The following PTPRC variants were observed in gnomAD, a reference collection of about 807,000 sequenced individuals.
The protein encoded by PTPRC is receptor-type tyrosine-protein phosphatase C.
A neutral mutation model predicts 155.9 loss-of-function variants in PTPRC; 44 were observed. That is an observed-to-expected ratio of 0.28 (90% confidence interval 0.22 to 0.36). The LOEUF (loss-of-function observed/expected upper bound fraction) is 0.36, where lower values mean the gene tolerates loss of function less well. Among genes scored for constraint, PTPRC ranks in the 10% least tolerant of loss-of-function variants. The pLI, the probability that PTPRC is intolerant of heterozygous loss-of-function variation, is 1.00. For missense variants in PTPRC, 1,401 were observed against 1,564.6 expected, an observed-to-expected ratio of 0.90 and a Z score of 1.76; for synonymous variants, 525 against 533.1, an observed-to-expected ratio of 0.98 and a Z score of 0.21.
At chr1:198,660,571 T>C (rs1275490055) in intron 2 of PTPRC, 1 of 151,920 alleles carries the variant, frequency 6.6e-6, no homozygotes, top group Non-Finnish European at 1.5e-5. Flanking sequence ...TATGAGGTTG[T>C]CATCTGTGAC....
At chr1:198,645,365 A>T (rs1662884984) in intron 2 of PTPRC, among the ~76,000 whole-genome samples, 1 of 151,794 alleles carries the variant, frequency 6.6e-6, no homozygotes, top group Non-Finnish European at 1.5e-5. Flanking sequence ...GATGAAAAAT[A>T]TAATAATTTA....
chr1:198,698,769 T>C (rs1666327804), intron 4 of PTPRC, among the ~76,000 whole-genome samples: 1 of 152,060 alleles, frequency 6.6e-6, no homozygotes, highest in Non-Finnish European at 1.5e-5. Flanking sequence ...TAATCCTATG[T>C]ATACATACAT....
chr1:198,678,770 T>A (rs538427903), intron 2 of PTPRC, among the ~76,000 whole-genome samples: 5 of 151,676 alleles, frequency 3.3e-5, no homozygotes, highest in African/African-American at 1.2e-4. Flanking sequence ...TTTTGTAACC[T>A]CCCTTAAAGA....
intron 12 of PTPRC, among the ~76,000 whole-genome samples, chr1:198,714,774 A>G (rs921536246): frequency 1.3e-5 from 2 of 152,340 alleles, no homozygotes; most frequent in South Asian, 2.1e-4. Flanking sequence ...ACCATTTTAA[A>G]TAAAATTACT....
intron 22 of PTPRC, among the ~76,000 whole-genome samples, chr1:198,734,735 T>A (rs1654548552): frequency 6.6e-6 from 1 of 151,754 alleles, no homozygotes; most frequent in African/African-American, 2.4e-5. Context: ...CACAAGACCT[T>A]AATACTCGAA....
intron 15 of PTPRC, among the ~76,000 whole-genome samples, 162 bp downstream of exon 15, chr1:198,722,638 A>G (rs1410798415): frequency 6.6e-6 from 1 of 151,668 alleles, no homozygotes; most frequent in Non-Finnish European, 1.5e-5. Context: ...CCATACATAT[A>G]TATGTAAATA....
rs2296618 is a variant in PTPRC at position 198,697,103 on chromosome 1, A to G, written c.298+194A>G. Among the ~76,000 whole-genome samples the G allele has an allele frequency of 0.2, 30,795 of 152,056 alleles. 3,997 individuals carry two copies. The highest frequency in any genetic ancestry group is 0.36 in the African/African-American group (14,965 of 41,442). ...AAGTAATTAATGCATGTTGTTAGGG[A>G]GTGGAGAGAGAAAAGAAGGGAAGCA... is the stretch of plus-strand genomic sequence containing the variant. On this transcript the variant is annotated intron_variant, in intron 4 of 32. Coordinates refer to ENST00000442510, the MANE Select transcript of PTPRC (RefSeq NM_002838.5).
At chr1:198,698,879 G>A (rs1459203095) in intron 4 of PTPRC, among the ~76,000 whole-genome samples, 1 of 151,928 alleles carries the variant, frequency 6.6e-6, no homozygotes, top group African/African-American at 2.4e-5. Flanking sequence ...GTTCCTTAAA[G>A]ATACCTTTTT....
At chr1:198,685,175 A>G (rs1665550781) in intron 2 of PTPRC, among the ~76,000 whole-genome samples, 3 of 152,012 alleles carry the variant, frequency 2.0e-5, no homozygotes, top group Non-Finnish European at 4.4e-5. Flanking sequence ...GATTCCAAAA[A>G]TAATATTAAT....
intron 26 of PTPRC, 23 bp from the exon 27 acceptor site, chr1:198,748,086 T>C: frequency 6.4e-7 from 1 of 1,567,874 alleles, no homozygotes; most frequent in Non-Finnish European, 8.6e-7. Flanking sequence ...AAGGAGTTTT[T>C]CTGTTTTTTT....
intron 9 of PTPRC, 98 bp from the exon 10 acceptor site, chr1:198,708,035 A>C (rs1653091080): frequency 5.2e-6 from 6 of 1,153,906 alleles, no homozygotes; most frequent in Non-Finnish European, 7.6e-6. Context: ...TCATTAGCAT[A>C]ATTTCAGTGG....
chr1:198,667,321 A>G (rs1303728914), intron 2 of PTPRC, among the ~76,000 whole-genome samples: 1 of 152,230 alleles, frequency 6.6e-6, no homozygotes, highest in Admixed American at 6.5e-5. Context: ...GCATTTAACA[A>G]GGAAGAATGG....
rs184611086 is a variant in PTPRC at position 198,731,596 on chromosome 1, G to T, written c.1865-21G>T. ...CTGAAAGACACATGTAACTAGTATT[G>T]AATCTTTAATATGTTTCCAGATGAT... is the stretch of plus-strand genomic sequence containing the variant. On this transcript the variant is annotated intron_variant, in intron 17 of 32. Transcript: ENST00000442510. 7.7e-4 allele frequency: 1,191 copies of T among 1,551,088 alleles called. 8 individuals are homozygous for T. In the Middle Eastern group the frequency reaches 0.021, roughly 28 times the overall value.
In PTPRC at chr1:198,673,542, G is replaced by T. The variant is rs765364439; in HGVS notation, c.74-18805G>T. Among the ~76,000 whole-genome samples, 145 of 152,092 alleles carry T rather than the reference G, an allele frequency of 9.5e-4. 1 individual carries two copies. Among genetic ancestry groups the T allele is most frequent in the Admixed American group, 7.2e-4 (11 of 15,276 alleles). ...TGTGTACATGCTCAGTCAAATAATGGTCATTTGAAAACATTTATTGAGTAA... is the reference window on the plus strand; with the variant it reads ...TGTGTACATGCTCAGTCAAATAATGTTCATTTGAAAACATTTATTGAGTAA... On this transcript the variant is annotated intron_variant, in intron 2 of 32. Transcript: ENST00000442510.
chr1:198,720,962 A>G (rs1653858668), intron 14 of PTPRC, among the ~76,000 whole-genome samples: 1 of 152,144 alleles, frequency 6.6e-6, no homozygotes. Context: ...ACCTCCCTCC[A>G]CGCTCTTCCC....
chr1:198,655,908 A>C (rs1469901724), intron 2 of PTPRC, among the ~76,000 whole-genome samples: 1 of 152,080 alleles, frequency 6.6e-6, no homozygotes, highest in Non-Finnish European at 1.5e-5. Flanking sequence ...TATGGCTCCC[A>C]GCAGTAACAC....
At chr1:198,721,955 G>A (rs1219361257) in intron 14 of PTPRC, among the ~76,000 whole-genome samples, 2 of 151,000 alleles carry the variant, frequency 1.3e-5, no homozygotes, top group South Asian at 2.1e-4. Flanking sequence ...AGGTGTTTAT[G>A]CATTATGCCT....
At position 198,712,795 on chromosome 1, in the gene PTPRC, A is replaced by G. The variant is rs1571861423; in HGVS notation, c.1172-158A>G. The stretch of plus-strand genomic sequence containing the variant: ...TTACTTTGTTAAAGGAATTTACTCT[A>G]AAACAAATTAAATGAGCCCAGATGC... On this transcript the variant is annotated intron_variant, in intron 11 of 32. Coordinates refer to ENST00000442510, the MANE Select transcript of PTPRC (RefSeq NM_002838.5). The G allele has an allele frequency of 8.6e-6, 7 of 812,398 alleles. No homozygotes were observed. In the East Asian group the frequency reaches 1.6e-4, roughly 18 times the overall value. 50.3% of individuals were successfully genotyped at this position (812,398 alleles called of 1,614,324 possible). A position where few individuals can be genotyped will look rare whatever the true frequency, so the allele number is the denominator to read the frequency against.
chr1:198,720,708 C>A (rs567384053), intron 14 of PTPRC, among the ~76,000 whole-genome samples: 155 of 152,108 alleles, frequency 1.0e-3, no homozygotes, highest in Non-Finnish European at 1.2e-3. Flanking sequence ...CAGAGAAATT[C>A]TTTAAGACTC....
Sources: gnomAD v4.1 joint callset for allele counts (sites outside exome capture counted in the v4.1 genomes callset) on GRCh38, gnomAD v4.1.1 for gene constraint, MANE v1.5 for transcripts, NCBI Gene and HGNC (gene_info 2026-07-23, HGNC 2026-07-21) for gene names.